The following AGO3 variants were observed in gnomAD, a reference collection of about 807,000 sequenced individuals.
AGO3 encodes argonaute RISC catalytic component 3, also known as protein argonaute-3.
A neutral mutation model predicts 105.5 loss-of-function variants in AGO3; 16 were observed. That is an observed-to-expected ratio of 0.15 (90% CI 0.10 to 0.23). The LOEUF (loss-of-function observed/expected upper bound fraction) is 0.23. Ranked by LOEUF, AGO3 falls within the 10% of genes least tolerant of loss-of-function variation. The probability of loss-of-function intolerance (pLI) is 1.00; values close to 1 mark genes in which losing one functional copy is unlikely to be tolerated. For synonymous variants in AGO3, 340 were observed against 367.3 expected (o/e 0.93, Z 0.85); for missense variants, 534 against 1,088.0 (o/e 0.49, Z 7.16).
At chr1:35,950,252 A>G (rs1646446429) in intron 2 of AGO3, among the ~76,000 whole-genome samples, 1 of 152,138 alleles carries the variant, frequency 6.6e-6, no homozygotes, top group South Asian at 2.1e-4. Context: ...GTTGCCTTCT[A>G]TAAAGTCATA....
At chr1:35,963,566 A>G (rs1394702872) in intron 2 of AGO3, among the ~76,000 whole-genome samples, 1 of 152,056 alleles carries the variant, frequency 6.6e-6, no homozygotes, top group Non-Finnish European at 1.5e-5. Flanking sequence ...TATACAGATG[A>G]TGATAACACA....
At chr1:35,948,533 G>C (rs1000902535) in intron 2 of AGO3, among the ~76,000 whole-genome samples, 1 of 147,930 alleles carries the variant, frequency 6.8e-6, no homozygotes, top group Non-Finnish European at 1.5e-5. Context: ...TGCCCGGCCG[G>C]AACAGAATTG....
Sources: gnomAD v4.1 joint callset for allele counts (sites outside exome capture counted in the v4.1 genomes callset) on GRCh38, gnomAD v4.1.1 for gene constraint, MANE v1.5 for transcripts, NCBI Gene and HGNC (gene_info 2026-07-23, HGNC 2026-07-21) for gene names.